The following MAF variants were observed in gnomAD, a reference collection of about 807,000 sequenced individuals.
The protein encoded by MAF is MAF bZIP transcription factor, also known as transcription factor Maf.
MAF carries 10 observed loss-of-function variants against 22.0 expected under a neutral mutation model. The observed-to-expected ratio is 0.45, with a 90% CI of 0.28 to 0.77. The LOEUF (loss-of-function observed/expected upper bound fraction) is 0.77. Ranked by LOEUF, MAF falls within the 30% of genes least tolerant of loss-of-function variation. The pLI, the probability that MAF is intolerant of heterozygous loss-of-function variation, is 0.12. For synonymous variants in MAF, 337 were observed against 255.8 expected (o/e 1.32, Z -3.03); for missense variants, 544 against 548.4 (o/e 0.99, Z 0.08).
the MAF span, among the ~76,000 whole-genome samples, chr16:79,214,804 C>G: frequency 6.8e-6 from 1 of 147,678 alleles, no homozygotes. Context: ...CCTCCCTCCC[C>G]GGTTCAAGCG....
chr16:79,302,974 A>G, the MAF span, among the ~76,000 whole-genome samples: 1 of 152,348 alleles, frequency 6.6e-6, no homozygotes, highest in South Asian at 2.1e-4. Flanking sequence ...CTAATGACCC[A>G]TTTTACTCGG....
chr16:79,452,627 C>A, the MAF span, among the ~76,000 whole-genome samples: 1 of 152,114 alleles, frequency 6.6e-6, no homozygotes, highest in African/African-American at 2.4e-5. Context: ...CACAGATAAT[C>A]GTGCATCAGA....
At chr16:79,321,936 A>T in the MAF span, among the ~76,000 whole-genome samples, 1 of 152,100 alleles carries the variant, frequency 6.6e-6, no homozygotes, top group Non-Finnish European at 1.5e-5. Context: ...CATCCTGTTA[A>T]AAAAAGGTCT....
the MAF span, among the ~76,000 whole-genome samples, chr16:79,372,226 A>G: frequency 6.6e-6 from 1 of 152,164 alleles, no homozygotes; most frequent in Admixed American, 6.5e-5. Flanking sequence ...AATTAGTAGC[A>G]CACTATTCCT....
chr16:79,366,228 T>G, the MAF span, among the ~76,000 whole-genome samples: 1 of 152,220 alleles, frequency 6.6e-6, no homozygotes, highest in Non-Finnish European at 1.5e-5. Context: ...TAAAATATAT[T>G]CAGCTCTACA....
At chr16:79,587,245 C>A (rs756505802) in intron 1 of MAF, among the ~76,000 whole-genome samples, 2 of 152,086 alleles carry the variant, frequency 1.3e-5, no homozygotes, top group Non-Finnish European at 2.9e-5. Context: ...AGAAACTACT[C>A]GCCTTTACGT....
At chr16:79,335,392 G>A in the MAF span, among the ~76,000 whole-genome samples, 3 of 152,178 alleles carry the variant, frequency 2.0e-5, no homozygotes, top group African/African-American at 7.2e-5. Flanking sequence ...TGGCTTCTTC[G>A]AAGAAGAAGA....
At chr16:79,458,108 A>C in the MAF span, among the ~76,000 whole-genome samples, 1 of 26,946 alleles carries the variant, frequency 3.7e-5, no homozygotes, top group South Asian at 1.1e-3. Flanking sequence ...TGGTATGTAT[A>C]AGTGTGTGTG....
chr16:79,566,217 G>A, the MAF span, among the ~76,000 whole-genome samples: 1 of 152,102 alleles, frequency 6.6e-6, no homozygotes, highest in East Asian at 1.9e-4. Flanking sequence ...CCAACACTCT[G>A]CCATTAGAGA....
chr16:79,218,288 C>G, the MAF span, among the ~76,000 whole-genome samples: 1 of 146,380 alleles, frequency 6.8e-6, no homozygotes, highest in Non-Finnish European at 1.5e-5. Context: ...ATTTTAATGG[C>G]TACCTCATAT....
At chr16:79,271,977 CT>C in the MAF span, among the ~76,000 whole-genome samples, 1 of 152,198 alleles carries the variant, frequency 6.6e-6, no homozygotes, top group East Asian at 1.9e-4. Flanking sequence ...AGGGATTTTT[CT>C]GCCTGTTGTG....
chr16:79,226,218 T>C, the MAF span, among the ~76,000 whole-genome samples: 3 of 152,358 alleles, frequency 2.0e-5, no homozygotes, highest in African/African-American at 4.8e-5. Context: ...GATGAGTTCA[T>C]GTCCTTTGCA....
At chr16:79,224,391 A>G in the MAF span, among the ~76,000 whole-genome samples, 1 of 152,224 alleles carries the variant, frequency 6.6e-6, no homozygotes, top group Non-Finnish European at 1.5e-5. Context: ...TGACACACCC[A>G]TAGCCAATAT....
At chr16:79,218,055 C>T in the MAF span, among the ~76,000 whole-genome samples, 1 of 132,624 alleles carries the variant, frequency 7.5e-6, no homozygotes, top group African/African-American at 2.7e-5. Context: ...TCTATTAACT[C>T]TTTGTGTCTT....
At chr16:79,215,167 T>A in the MAF span, among the ~76,000 whole-genome samples, 3 of 152,190 alleles carry the variant, frequency 2.0e-5, no homozygotes, top group Admixed American at 2.0e-4. Context: ...GTGTTTGATT[T>A]CAAGGTCATG....
the MAF span, among the ~76,000 whole-genome samples, chr16:79,545,250 C>T: frequency 5.5e-3 from 837 of 152,232 alleles, 3 homozygotes; most frequent in Non-Finnish European, 9.6e-3. Context: ...TTGTTTTGGA[C>T]CTCAACTTCC....
the MAF span, among the ~76,000 whole-genome samples, chr16:79,270,912 T>TTC: frequency 6.6e-5 from 10 of 151,464 alleles, no homozygotes; most frequent in Non-Finnish European, 1.3e-4. Context: ...TTTTTTTTTT[T>TTC]TTAATGAGAC....
At chr16:79,515,470 CTT>C in the MAF span, among the ~76,000 whole-genome samples, 2 of 152,190 alleles carry the variant, frequency 1.3e-5, no homozygotes, top group Admixed American at 1.3e-4. Flanking sequence ...ACAAAACAGA[CTT>C]TGCGTTTGAT....
chr16:79,356,491 C>T, the MAF span, among the ~76,000 whole-genome samples: 22 of 152,144 alleles, frequency 1.4e-4, no homozygotes, highest in Admixed American at 3.3e-4. Flanking sequence ...GCCTTCCTCA[C>T]GTGCCTTCCA....
Sources: allele counts gnomAD v4.1 joint callset (sites outside exome capture counted in the v4.1 genomes callset), GRCh38; gene constraint gnomAD v4.1.1; transcripts MANE v1.5; gene names NCBI Gene and HGNC (gene_info 2026-07-23, HGNC 2026-07-21).